Variants in SPIN1 observed in about 807,000 individuals in gnomAD.
The protein encoded by SPIN1 is spindlin-1.
Under a neutral mutation model 26.0 loss-of-function variants are expected in SPIN1, and 3 were observed. That is an observed-to-expected ratio of 0.12 (90% confidence interval 0.05 to 0.30). The LOEUF (loss-of-function observed/expected upper bound fraction) is 0.30, where lower values mean the gene tolerates loss of function less well. SPIN1 is among the 10% of genes least tolerant of loss of function. The pLI is 1.00. For missense variants in SPIN1, 126 were observed against 333.4 expected, an observed-to-expected ratio of 0.38 and a Z score of 4.84; for synonymous variants, 101 against 116.5, an observed-to-expected ratio of 0.87 and a Z score of 0.86.
At chr9:88,404,408 A>C (rs1036417539) in intron 1 of SPIN1, among the ~76,000 whole-genome samples, 1 of 152,168 alleles carries the variant, frequency 6.6e-6, no homozygotes, top group Non-Finnish European at 1.5e-5. Flanking sequence ...GACAGCGAAG[A>C]CACTTTTTTC....
intron 1 of SPIN1, among the ~76,000 whole-genome samples, chr9:88,398,881 T>C (rs1205982045): frequency 1.3e-5 from 2 of 150,662 alleles, no homozygotes; most frequent in Non-Finnish European, 3.0e-5. Context: ...TGACTTTTAA[T>C]TGTAATATTT....
chr9:88,404,926 AAAAC>A (rs1827263596), intron 1 of SPIN1, among the ~76,000 whole-genome samples: 3 of 107,550 alleles, frequency 2.8e-5, no homozygotes, highest in Admixed American at 8.9e-5. Context: ...AAAAAAAAAA[AAAAC>A]AAAAAAAAAA....
intron 2 of SPIN1, among the ~76,000 whole-genome samples, chr9:88,444,744 G>C (rs1453379596): frequency 1.1e-4 from 15 of 142,392 alleles, no homozygotes; most frequent in Admixed American, 6.5e-4. Flanking sequence ...AGGCTGGAGT[G>C]CAGTGGCATG....
chr9:88,471,962 C>G (rs1280583715), intron 5 of SPIN1, among the ~76,000 whole-genome samples: 1 of 152,004 alleles, frequency 6.6e-6, no homozygotes, highest in East Asian at 1.9e-4. Context: ...CCACATTGGG[C>G]TAACTTTCGT....
chr9:88,436,926 G>A (rs192897308), intron 2 of SPIN1, among the ~76,000 whole-genome samples: 26 of 151,582 alleles, frequency 1.7e-4, no homozygotes, highest in East Asian at 5.9e-4. Context: ...CACTACGCCC[G>A]GCTATTTTTT....
chr9:88,407,042 C>T (rs746191695), intron 1 of SPIN1, among the ~76,000 whole-genome samples: 16 of 151,622 alleles, frequency 1.1e-4, no homozygotes, highest in Admixed American at 3.3e-4. Context: ...TTCTTCTGCC[C>T]GAAGAACACC....
intron 1 of SPIN1, among the ~76,000 whole-genome samples, chr9:88,408,734 C>T (rs1827366844): frequency 7.1e-6 from 1 of 140,754 alleles, no homozygotes; most frequent in African/African-American, 2.7e-5. Flanking sequence ...AGTGCAATGG[C>T]GCGATCTCGG....
intron 3 of SPIN1, among the ~76,000 whole-genome samples, chr9:88,453,162 C>T (rs545410837): frequency 7.6e-4 from 116 of 151,906 alleles, no homozygotes; most frequent in Non-Finnish European, 1.4e-3. Context: ...TTTTATTTTC[C>T]CAATAAGCCT....
intron 3 of SPIN1, among the ~76,000 whole-genome samples, chr9:88,452,136 G>A (rs551453587): frequency 6.6e-6 from 1 of 152,228 alleles, no homozygotes; most frequent in South Asian, 2.1e-4. Context: ...ACAAATATTA[G>A]TCACTGACAA....
intron 5 of SPIN1, among the ~76,000 whole-genome samples, chr9:88,471,706 G>A (rs1828792302): frequency 6.6e-6 from 1 of 151,368 alleles, no homozygotes; most frequent in Non-Finnish European, 1.5e-5. Flanking sequence ...CAGATACGTG[G>A]GTGTGTTTCT....
chr9:88,431,005 C>T (rs967676793), intron 2 of SPIN1, among the ~76,000 whole-genome samples: 2 of 151,708 alleles, frequency 1.3e-5, no homozygotes, highest in Non-Finnish European at 2.9e-5. Flanking sequence ...GCCTCAGCCT[C>T]CCAAGTGGCT....
chr9:88,429,226 G>A (rs1486985406), intron 2 of SPIN1, among the ~76,000 whole-genome samples: 1 of 152,160 alleles, frequency 6.6e-6, no homozygotes, highest in Admixed American at 6.5e-5. Flanking sequence ...CCCAAATGTG[G>A]GAAGGGGAGG....
At chr9:88,469,595 A>G (rs1179304893) in intron 5 of SPIN1, among the ~76,000 whole-genome samples, 3 of 137,812 alleles carry the variant, frequency 2.2e-5, no homozygotes. Context: ...GCTCACTGCA[A>G]CCTCCGCCTC....
At chr9:88,467,245 A>T (rs2118211079) in intron 4 of SPIN1, among the ~76,000 whole-genome samples, 1 of 152,272 alleles carries the variant, frequency 6.6e-6, no homozygotes, top group Non-Finnish European at 1.5e-5. Context: ...CATTTCAGAG[A>T]CCTGAGCTCC....
chr9:88,394,245 C>T (rs939780810), intron 1 of SPIN1, among the ~76,000 whole-genome samples: 8 of 152,208 alleles, frequency 5.3e-5, no homozygotes, highest in Non-Finnish European at 8.8e-5. Context: ...TTTCCTTTGA[C>T]ATGACACGTA....
At chr9:88,466,247 A>G (rs1443538102) in intron 4 of SPIN1, among the ~76,000 whole-genome samples, 1 of 151,964 alleles carries the variant, frequency 6.6e-6, no homozygotes, top group Non-Finnish European at 1.5e-5. Context: ...CTGTCTCAAC[A>G]CGTTGAGCTC....
At chr9:88,444,334 G>A (rs983518411) in intron 2 of SPIN1, among the ~76,000 whole-genome samples, 18 of 147,564 alleles carry the variant, frequency 1.2e-4, no homozygotes, top group African/African-American at 4.5e-4. Context: ...TCCGCCTCCC[G>A]GGTTCCTGCC....
chr9:88,412,275 C>G (rs779270767), intron 1 of SPIN1, among the ~76,000 whole-genome samples: 1 of 152,216 alleles, frequency 6.6e-6, no homozygotes, highest in Non-Finnish European at 1.5e-5. Flanking sequence ...CCAAGCTCCT[C>G]TAATATCCTT....
intron 3 of SPIN1, among the ~76,000 whole-genome samples, chr9:88,456,847 C>T (rs1348964280): frequency 6.6e-6 from 1 of 152,012 alleles, no homozygotes; most frequent in East Asian, 1.9e-4. Context: ...AGACTTGATC[C>T]TAAAGAGTTC....
Sources: gnomAD v4.1 joint callset for allele counts (sites outside exome capture counted in the v4.1 genomes callset) on GRCh38, gnomAD v4.1.1 for gene constraint, MANE v1.5 for transcripts, NCBI Gene and HGNC (gene_info 2026-07-23, HGNC 2026-07-21) for gene names.